NLGN1: variants seen among roughly 807,000 people sequenced by gnomAD.
NLGN1 encodes the protein neuroligin-1.
A neutral mutation model predicts 65.5 loss-of-function variants in NLGN1; 12 were observed. That is an observed-to-expected ratio of 0.18 (90% confidence interval 0.12 to 0.30). The LOEUF is 0.30. Among genes scored for constraint, NLGN1 ranks in the 10% least tolerant of loss-of-function variants. The pLI, the probability that NLGN1 is intolerant of heterozygous loss-of-function variation, is 1.00. For synonymous variants in NLGN1, 350 were observed against 359.5 expected, an observed-to-expected ratio of 0.97 and a Z score of 0.30; for missense variants, 750 against 1,007.1, an observed-to-expected ratio of 0.74 and a Z score of 3.46.
At chr3:173,423,528 G>A (rs1235662624) in intron 1 of NLGN1, among the ~76,000 whole-genome samples, 1 of 151,956 alleles carries the variant, frequency 6.6e-6, no homozygotes, top group African/African-American at 2.4e-5. Flanking sequence ...TTCCAAATTG[G>A]GAAAAATTGA....
intron 3 of NLGN1, among the ~76,000 whole-genome samples, chr3:173,716,740 T>TGCAATCAGGGTGAA (rs141933429): frequency 0.19 from 29,438 of 152,088 alleles, 3,062 homozygotes; most frequent in Admixed American, 0.24. Flanking sequence ...AAGAGAAAGC[T>TGCAATCAGGGTGAA]GCATAATGTA....
At chr3:174,094,037 A>G (rs1011373103) in intron 4 of NLGN1, among the ~76,000 whole-genome samples, 2 of 152,172 alleles carry the variant, frequency 1.3e-5, no homozygotes, top group African/African-American at 4.8e-5. Flanking sequence ...TACAAATCTG[A>G]ACATAATCCA....
At chr3:173,901,522 G>T (rs890162242) in intron 4 of NLGN1, among the ~76,000 whole-genome samples, 1 of 151,580 alleles carries the variant, frequency 6.6e-6, no homozygotes, top group Non-Finnish European at 1.5e-5. Flanking sequence ...TTCTTATTTT[G>T]CTTATTCAGG....
intron 4 of NLGN1, among the ~76,000 whole-genome samples, chr3:174,109,263 T>C (rs1445167427): frequency 6.6e-6 from 1 of 152,062 alleles, no homozygotes; most frequent in African/African-American, 2.4e-5. Context: ...GAGATAATTT[T>C]TTAAATAATA....
intron 3 of NLGN1, among the ~76,000 whole-genome samples, chr3:173,631,160 C>G (rs1755624727): frequency 6.6e-6 from 1 of 152,104 alleles, no homozygotes; most frequent in South Asian, 2.1e-4. Flanking sequence ...TGTGGTTTCA[C>G]TCATTATCAT....
Position 174,240,265 on chromosome 3 carries a change from G to C in NLGN1, c.647-35050G>C, listed in dbSNP as rs188110590. Among the ~76,000 whole-genome samples, 407 of 152,004 alleles carry C rather than the reference G, an allele frequency of 2.7e-3. 1 individual carries two copies. The highest frequency in any genetic ancestry group is 9.4e-3 in the African/African-American group (390 of 41,496). On this transcript the variant is annotated intron_variant, in intron 4 of 6. Coordinates refer to ENST00000457714, the Ensembl canonical transcript of NLGN1. ...CTTGTAATATAGAAGAAAAAACAAAGTTGAAATGAAGAGAAAGAACATAAT... is the reference window on the plus strand; with the variant it reads ...CTTGTAATATAGAAGAAAAAACAAACTTGAAATGAAGAGAAAGAACATAAT...
intron 2 of NLGN1, among the ~76,000 whole-genome samples, chr3:173,500,750 A>G (rs918441628): frequency 6.6e-6 from 1 of 151,830 alleles, no homozygotes; most frequent in Non-Finnish European, 1.5e-5. Context: ...GGTCTATTAA[A>G]TACCTTATTT....
At chr3:174,009,546 C>T (rs1187864619) in intron 4 of NLGN1, among the ~76,000 whole-genome samples, 1 of 152,064 alleles carries the variant, frequency 6.6e-6, no homozygotes, top group African/African-American at 2.4e-5. Context: ...TTCACTCAGC[C>T]AGAAATTGGT....
At chr3:173,837,816 T>A (rs1288074725) in intron 4 of NLGN1, among the ~76,000 whole-genome samples, 2 of 152,264 alleles carry the variant, frequency 1.3e-5, no homozygotes, top group African/African-American at 4.8e-5. Flanking sequence ...CATGTGGCCA[T>A]GGGGAATGTC....
At chr3:173,658,412 A>G (rs761891163) in intron 3 of NLGN1, among the ~76,000 whole-genome samples, 1 of 152,038 alleles carries the variant, frequency 6.6e-6, no homozygotes, top group South Asian at 2.1e-4. Flanking sequence ...TGTGCTTCAG[A>G]GTAGAATCCA....
At chr3:173,788,056 T>C (rs1294545104) in intron 3 of NLGN1, among the ~76,000 whole-genome samples, 1 of 152,072 alleles carries the variant, frequency 6.6e-6, no homozygotes, top group Non-Finnish European at 1.5e-5. Flanking sequence ...TTTAACTGGA[T>C]AAAATTTTAG....
In NLGN1 at chr3:173,486,669, A is replaced by G. The variant is rs187885156; in HGVS notation, c.-321+51591A>G. Among the ~76,000 whole-genome samples, 23 of 152,322 alleles carry G rather than the reference A, an allele frequency of 1.5e-4. No individual in the cohort carries two copies. In the East Asian group the frequency reaches 4.4e-3, roughly 29 times the overall value. ...ATTTAGCTCAAGGAAATGGAAGGAAAGAAGCAAGAACATAATTCGATTTGT... is the reference window on the plus strand; with the variant it reads ...ATTTAGCTCAAGGAAATGGAAGGAAGGAAGCAAGAACATAATTCGATTTGT... On this transcript the variant is annotated intron_variant, in intron 2 of 6. Transcript: ENST00000457714.
At chr3:173,689,585 C>T (rs1405082239) in intron 3 of NLGN1, among the ~76,000 whole-genome samples, 7 of 152,100 alleles carry the variant, frequency 4.6e-5, no homozygotes, top group Non-Finnish European at 1.0e-4. Context: ...AAAGAAGGAG[C>T]CAAAGGAATT....
intron 3 of NLGN1, among the ~76,000 whole-genome samples, chr3:173,768,810 C>T (rs965503786): frequency 2.6e-5 from 4 of 152,102 alleles, no homozygotes; most frequent in Admixed American, 6.5e-5. Context: ...CTTGCTCTGT[C>T]GCCCAGGCTG....
At chr3:173,479,986 A>G (rs1726982992) in intron 2 of NLGN1, among the ~76,000 whole-genome samples, 1 of 152,116 alleles carries the variant, frequency 6.6e-6, no homozygotes, top group Admixed American at 6.6e-5. Flanking sequence ...ATTGAAGAGA[A>G]CCAGAAAGAA....
At chr3:173,570,175 C>T (rs1477152640) in intron 2 of NLGN1, among the ~76,000 whole-genome samples, 1 of 151,990 alleles carries the variant, frequency 6.6e-6, no homozygotes, top group Non-Finnish European at 1.5e-5. Flanking sequence ...AGAGGCAGTG[C>T]TGACTAAAGT....
At chr3:174,273,080 A>G (rs562845335) in intron 4 of NLGN1, among the ~76,000 whole-genome samples, 2 of 151,624 alleles carry the variant, frequency 1.3e-5, no homozygotes, top group East Asian at 1.9e-4. Context: ...CTGGAATTAC[A>G]GTGGGGATAC....
At position 173,476,937 on chromosome 3, in the gene NLGN1, C is replaced by G. The variant is rs551831063; in HGVS notation, c.-321+41859C>G. 3.9e-5 allele frequency among the ~76,000 whole-genome samples: 6 copies of G among 151,900 alleles called. No individual in the cohort carries two copies. The South Asian group carries it at 1.3e-3, about 32-fold the overall frequency. Reference sequence around the variant, plus strand: ...AACTGAGTCAACGTAGTTGTGGAAGCAATTGAAAGGGTGATGGCGACACTG... The same window carrying G: ...AACTGAGTCAACGTAGTTGTGGAAGGAATTGAAAGGGTGATGGCGACACTG... On this transcript the variant is annotated intron_variant, in intron 2 of 6. Transcript: ENST00000457714.
chr3:173,505,443 T>G (rs572428296), intron 2 of NLGN1, among the ~76,000 whole-genome samples: 1 of 152,246 alleles, frequency 6.6e-6, no homozygotes, highest in Non-Finnish European at 1.5e-5. Flanking sequence ...AATTCTTTAA[T>G]TAGTGACCAT....
Sources: allele counts gnomAD v4.1 joint callset (sites outside exome capture counted in the v4.1 genomes callset), GRCh38; gene constraint gnomAD v4.1.1; transcripts MANE v1.5; gene names NCBI Gene and HGNC (gene_info 2026-07-23, HGNC 2026-07-21).